The following ZNF438 variants were observed in gnomAD, a reference collection of about 807,000 sequenced individuals.
ZNF438 encodes the protein zinc finger protein 438.
Under a neutral mutation model 38.0 loss-of-function variants are expected in ZNF438, and 25 were observed. The ratio of observed to expected loss-of-function variants is 0.66; its 90% CI spans 0.48 to 0.92. The LOEUF is 0.92. Ranked by LOEUF, ZNF438 falls within the 40% of genes least tolerant of loss-of-function variation. The pLI, the probability that ZNF438 is intolerant of heterozygous loss-of-function variation, is 0.00. For synonymous variants in ZNF438, 372 were observed against 364.1 expected, an observed-to-expected ratio of 1.02 and a Z score of -0.25; for missense variants, 1,007 against 999.6, an observed-to-expected ratio of 1.01 and a Z score of -0.10.
chr10:31,024,401 C>A (rs1032693129), intron 1 of ZNF438, among the ~76,000 whole-genome samples: 6 of 152,058 alleles, frequency 3.9e-5, no homozygotes, highest in African/African-American at 1.2e-4. Flanking sequence ...TGAAGGCGGG[C>A]GGATCACGAG....
intron 1 of ZNF438, among the ~76,000 whole-genome samples, chr10:30,985,882 A>G (rs1435795802): frequency 6.6e-6 from 1 of 152,210 alleles, no homozygotes; most frequent in Non-Finnish European, 1.5e-5. Context: ...CCTTATTAAT[A>G]TATAGTCATC....
intron 4 of ZNF438, among the ~76,000 whole-genome samples, chr10:30,876,396 T>C (rs1317504536): frequency 6.6e-6 from 1 of 152,196 alleles, no homozygotes; most frequent in Non-Finnish European, 1.5e-5. Context: ...GTAATTTAAT[T>C]ACTCTTGATG....
At chr10:30,858,915 G>C (rs2035128277) in intron 4 of ZNF438, among the ~76,000 whole-genome samples, 1 of 152,102 alleles carries the variant, frequency 6.6e-6, no homozygotes, top group Admixed American at 6.6e-5. Context: ...ACCTCACTTC[G>C]CAGGGAAGGA....
intron 4 of ZNF438, among the ~76,000 whole-genome samples, chr10:30,860,599 T>TA (rs1343172591): frequency 6.6e-6 from 1 of 152,238 alleles, no homozygotes; most frequent in East Asian, 1.9e-4. Context: ...CAATCTTTCC[T>TA]AACATCTAAT....
intron 1 of ZNF438, among the ~76,000 whole-genome samples, chr10:31,006,778 C>CGGG (rs71299751): frequency 2.9e-5 from 2 of 68,620 alleles, no homozygotes; most frequent in African/African-American, 1.6e-4. Context: ...TGGCGGGGGG[C>CGGG]GGGGGGGGGA....
chr10:30,872,281 C>G (rs969077718), intron 4 of ZNF438, among the ~76,000 whole-genome samples: 1 of 151,730 alleles, frequency 6.6e-6, no homozygotes. Flanking sequence ...CAAAAATTAG[C>G]CACGTGTGGT....
chr10:30,963,392 C>CAAAAAAAAAAAA (rs753557823), intron 1 of ZNF438, among the ~76,000 whole-genome samples: 1 of 86,056 alleles, frequency 1.2e-5, no homozygotes. Context: ...AACTCCATCT[C>CAAAAAAAAAAAA]AAAAAAAAAA....
Position 30,975,508 on chromosome 10 carries a change from C to T in ZNF438, c.-191-33857G>A, listed in dbSNP as rs74134337. Among the ~76,000 whole-genome samples the T allele has an allele frequency of 1.6e-3, 243 of 152,278 alleles. 1 individual carries two copies. The highest frequency in any genetic ancestry group is 5.1e-3 in the African/African-American group (213 of 41,560). Reference sequence around the variant, plus strand: ...AAGCTACTAAATAACTGGTAATTCTCCCCATAAAACCCATCACCATAAAAT... The same window carrying T: ...AAGCTACTAAATAACTGGTAATTCTTCCCATAAAACCCATCACCATAAAAT... On this transcript the variant is annotated intron_variant, in intron 1 of 5. Transcript: ENST00000413025.
intron 2 of ZNF438, chr10:30,923,296 G>T (rs1480750647): frequency 1.3e-5 from 2 of 152,160 alleles, no homozygotes; most frequent in Non-Finnish European, 2.9e-5. Context: ...CCTCTCTCAT[G>T]TCTAATTTCC....
chr10:30,893,392 C>T (rs2040938719), intron 3 of ZNF438, among the ~76,000 whole-genome samples: 1 of 152,176 alleles, frequency 6.6e-6, no homozygotes, highest in South Asian at 2.1e-4. Flanking sequence ...AGTGCTGCTG[C>T]CCAACATCAC....
chr10:31,027,828 C>A (rs2057039653), intron 1 of ZNF438, among the ~76,000 whole-genome samples: 1 of 152,070 alleles, frequency 6.6e-6, no homozygotes, highest in African/African-American at 2.4e-5. Flanking sequence ...TATTTAGATA[C>A]TTTCCCAATG....
At chr10:30,994,439 C>T (rs1284891877) in intron 1 of ZNF438, among the ~76,000 whole-genome samples, 1 of 152,176 alleles carries the variant, frequency 6.6e-6, no homozygotes, top group East Asian at 1.9e-4. Flanking sequence ...GGTTATCACG[C>T]AGGTAGGCTA....
At position 31,026,078 on chromosome 10, in the gene ZNF438, C is replaced by A. The variant is rs926090650; in HGVS notation, c.-192+5755G>T. On this transcript the variant is annotated intron_variant, in intron 1 of 5. Transcript: ENST00000413025. ...TGGATTCCTTCCTTACACTTTATAC[C>A]AAAATTAATTCAAGATGGATTAAAG... Among the ~76,000 whole-genome samples the A allele has an allele frequency of 5.9e-5, 9 of 152,116 alleles. No individual in the cohort carries two copies. In the East Asian group the frequency reaches 1.7e-3, roughly 29 times the overall value.
chr10:30,982,396 C>T (rs1375720813), intron 1 of ZNF438, among the ~76,000 whole-genome samples: 2 of 152,130 alleles, frequency 1.3e-5, no homozygotes, highest in African/African-American at 2.4e-5. Flanking sequence ...CCACCGCGCC[C>T]GGCCATCCTG....
intron 4 of ZNF438, among the ~76,000 whole-genome samples, chr10:30,854,389 G>T (rs191163428): frequency 1.9e-3 from 289 of 152,250 alleles, no homozygotes; most frequent in Middle Eastern, 0.01. Flanking sequence ...ACAGGGAGTT[G>T]GTCTGTGTCT....
chr10:30,976,578 C>CA, intron 1 of ZNF438, among the ~76,000 whole-genome samples: 1 of 152,054 alleles, frequency 6.6e-6, no homozygotes, highest in African/African-American at 2.4e-5. Flanking sequence ...CCTATCTCTA[C>CA]AAAAAATTAA....
chr10:30,903,697 T>C (rs1270146248), intron 3 of ZNF438, among the ~76,000 whole-genome samples: 1 of 152,192 alleles, frequency 6.6e-6, no homozygotes, highest in African/African-American at 2.4e-5. Context: ...TTAAAAAATA[T>C]ATACCAACAG....
exon 5 of ZNF438, chr10:30,849,413 G>T (rs1564477825): frequency 6.2e-7 from 1 of 1,614,218 alleles, no homozygotes; most frequent in Non-Finnish European, 8.5e-7. Context: ...TTCTGTGGTG[G>T]AGGGTATCTT....
At chr10:30,906,074 G>A (rs1200769997) in intron 3 of ZNF438, among the ~76,000 whole-genome samples, 1 of 151,934 alleles carries the variant, frequency 6.6e-6, no homozygotes, top group Non-Finnish European at 1.5e-5. Flanking sequence ...TTAATTTTAG[G>A]GTCAGCTTGT....
Sources: gnomAD v4.1 joint callset for allele counts (sites outside exome capture counted in the v4.1 genomes callset) on GRCh38, gnomAD v4.1.1 for gene constraint, MANE v1.5 for transcripts, NCBI Gene and HGNC (gene_info 2026-07-23, HGNC 2026-07-21) for gene names.